The following VPS50 variants were observed in gnomAD, a reference collection of about 807,000 sequenced individuals.
VPS50 encodes syndetin.
VPS50 carries 70 observed loss-of-function variants against 139.7 expected under a neutral mutation model. The observed-to-expected ratio is 0.50, with a 90% CI of 0.41 to 0.61. VPS50 has a LOEUF of 0.61. Ranked by LOEUF, VPS50 falls within the 20% of genes least tolerant of loss-of-function variation. VPS50 has a pLI of 0.00. For synonymous variants in VPS50, 365 were observed against 376.7 expected (o/e 0.97, Z 0.36); for missense variants, 921 against 1,133.7 (o/e 0.81, Z 2.69).
rs1437827574 is a variant in VPS50 at position 93,323,602 on chromosome 7, TC to T, written c.1856-8del. The T allele has an allele frequency of 1.7e-6, 2 of 1,211,860 alleles. No individual in the cohort carries two copies. The highest frequency in any genetic ancestry group is 2.8e-5 in the East Asian group (1 of 35,928). The allele number at this position is 1,211,860 out of a possible 1,614,324, so 75.1% of individuals were successfully genotyped here. Reference sequence around the variant, plus strand: ...TTCTGCTTAATTTTTTATTCTTTTTTCTTTTCAGGAAAATATATGCAGATGA... The same window carrying T: ...TTCTGCTTAATTTTTTATTCTTTTTTTTTTCAGGAAAATATATGCAGATGA... On this transcript the variant is annotated splice_polypyrimidine_tract_variant and splice_region_variant and intron_variant, in intron 20 of 27. Transcript: ENST00000305866.
rs371215349 is a variant in VPS50, at chr7:93,342,979, C to T, written c.2207+1404C>T. Among the ~76,000 whole-genome samples, 639 of 152,290 alleles carry T rather than the reference C, an allele frequency of 4.2e-3. 3 individuals carry two copies. Among genetic ancestry groups the T allele is most frequent in the African/African-American group, 0.013 (536 of 41,556 alleles). On this transcript the variant is annotated intron_variant, in intron 23 of 27. Transcript: ENST00000305866. ...TCACCAGCAACGGAACAAAGCTGGA[C>T]GGAGAATGACTTTGACGAGCTGAGA... is the stretch of plus-strand genomic sequence containing the variant.
rs11760988 is a variant in VPS50, at chr7:93,311,653, A to G, written c.1855+381A>G. Reference sequence around the variant, plus strand: ...TCATAGGTCTTTACCATCTTCTGTCAGGCAGAGTGAATAGTGACTTTCTGG... The same window carrying G: ...TCATAGGTCTTTACCATCTTCTGTCGGGCAGAGTGAATAGTGACTTTCTGG... On this transcript the variant is annotated intron_variant, in intron 20 of 27. Transcript: ENST00000305866. Among the ~76,000 whole-genome samples the G allele has an allele frequency of 9.6e-3, 1,469 of 152,238 alleles. 8 individuals carry two copies. Among genetic ancestry groups the G allele is most frequent in the South Asian group, 0.024 (117 of 4,824 alleles).
intron 22 of VPS50, among the ~76,000 whole-genome samples, chr7:93,334,880 A>G (rs765602515): frequency 3.3e-5 from 5 of 152,036 alleles, no homozygotes; most frequent in Non-Finnish European, 7.3e-5. Flanking sequence ...CCGGAAATTT[A>G]TGTTATTCAG....
intron 9 of VPS50, among the ~76,000 whole-genome samples, chr7:93,259,852 G>T (rs1795612541): frequency 6.6e-6 from 1 of 152,072 alleles, no homozygotes; most frequent in Non-Finnish European, 1.5e-5. Flanking sequence ...TCACCTCATT[G>T]AAACTCATTT....
chr7:93,316,398 C>T (rs1344599947), intron 20 of VPS50, among the ~76,000 whole-genome samples: 1 of 152,154 alleles, frequency 6.6e-6, no homozygotes, highest in Non-Finnish European at 1.5e-5. Context: ...AAGGGATTGA[C>T]TTTGGCTAAG....
chr7:93,268,049 A>G lies in VPS50; in HGVS notation c.660-3171A>G, dbSNP rs1026960690. Reference sequence around the variant, plus strand: ...TCTTTAGGGACCAGGCAGGTCATATAAATGTGAGGCTGCCAGATGTAAGAC... The same window carrying G: ...TCTTTAGGGACCAGGCAGGTCATATGAATGTGAGGCTGCCAGATGTAAGAC... On this transcript the variant is annotated intron_variant, in intron 9 of 27. Coordinates refer to ENST00000305866, the MANE Select transcript of VPS50 (RefSeq NM_017667.4). 3.3e-5 allele frequency among the ~76,000 whole-genome samples: 5 copies of G among 152,320 alleles called. No homozygotes were observed. The East Asian group carries it at 9.6e-4, about 29-fold the overall frequency.
intron 2 of VPS50, among the ~76,000 whole-genome samples, chr7:93,242,605 C>T (rs1180161384): frequency 1.3e-5 from 2 of 151,934 alleles, no homozygotes; most frequent in African/African-American, 4.8e-5. Flanking sequence ...TAAGTAGTCA[C>T]TGTTAATTCT....
At chr7:93,333,067 A>T (rs28595783) in intron 21 of VPS50, among the ~76,000 whole-genome samples, 13,861 of 152,212 alleles carry the variant, frequency 0.091, 1,677 homozygotes, top group African/African-American at 0.28. Context: ...ATCAAACTGT[A>T]TACTTAAAAG....
At chr7:93,297,022 T>G in intron 15 of VPS50, 123 bp from the exon 16 acceptor site, 1 of 1,455,398 alleles carries the variant, frequency 6.9e-7, no homozygotes, top group Non-Finnish European at 9.0e-7. Flanking sequence ...TTTGTGATCT[T>G]TAGAATTTTT....
rs532617549 is a variant in VPS50 at position 93,262,575 on chromosome 7, A to C, written c.659+2943A>C. The stretch of plus-strand genomic sequence containing the variant: ...TTATTCTCTGCAAATAGGTAAAAGT[A>C]CATCACACATACATTCAGATATCCC... On this transcript the variant is annotated intron_variant, in intron 9 of 27. Coordinates refer to ENST00000305866, the MANE Select transcript of VPS50 (RefSeq NM_017667.4). Among the ~76,000 whole-genome samples the C allele has an allele frequency of 1.3e-3, 192 of 152,390 alleles. 1 individual carries two copies. Among genetic ancestry groups the C allele is most frequent in the African/African-American group, 4.4e-3 (183 of 41,594 alleles).
At chr7:93,316,940 A>G (rs1797446029) in intron 20 of VPS50, among the ~76,000 whole-genome samples, 1 of 152,186 alleles carries the variant, frequency 6.6e-6, no homozygotes. Flanking sequence ...AAGCTCTACT[A>G]TCCTTCCTAC....
At chr7:93,310,880 A>G (rs146129232) in intron 19 of VPS50, among the ~76,000 whole-genome samples, 1 of 152,136 alleles carries the variant, frequency 6.6e-6, no homozygotes, top group African/African-American at 2.4e-5. Context: ...TTGCACCTAG[A>G]TGTATTATTA....
chr7:93,334,059 G>A, intron 21 of VPS50, 58 bp from the exon 22 acceptor site: 1 of 930,556 alleles, frequency 1.1e-6, no homozygotes, highest in South Asian at 1.4e-5. Context: ...TTAATTTGAA[G>A]ATGTAACATT....
At chr7:93,246,203 T>A in intron 2 of VPS50, 1 of 937,128 alleles carries the variant, frequency 1.1e-6, no homozygotes, top group Non-Finnish European at 1.6e-6. Flanking sequence ...ATGCAAACAG[T>A]AAAAAAAAGT....
In VPS50 at chr7:93,296,566, G is replaced by A. The variant is rs1452813723; in HGVS notation, c.1168-176G>A. Among the ~76,000 whole-genome samples, 8 of 152,066 alleles carry A rather than the reference G, an allele frequency of 5.3e-5. No homozygotes were observed. In the East Asian group the frequency reaches 1.5e-3, roughly 29 times the overall value. Reference sequence around the variant, plus strand: ...GATGGCATTCCTGGTATAGGAAATGGGATTGTCTCTATTACATCCCTTAAG... The same window carrying A: ...GATGGCATTCCTGGTATAGGAAATGAGATTGTCTCTATTACATCCCTTAAG... On this transcript the variant is annotated intron_variant, in intron 14 of 27. Coordinates refer to ENST00000305866, the MANE Select transcript of VPS50 (RefSeq NM_017667.4).
intron 23 of VPS50, among the ~76,000 whole-genome samples, chr7:93,342,680 C>G (rs183593299): frequency 6.6e-6 from 1 of 152,202 alleles, no homozygotes; most frequent in African/African-American, 2.4e-5. Flanking sequence ...GACCCCTGAT[C>G]CCCGAGCAGC....
At chr7:93,236,937 C>CT (rs71107889) in intron 1 of VPS50, among the ~76,000 whole-genome samples, 1,175 of 31,066 alleles carry the variant, frequency 0.038, 291 homozygotes, top group Non-Finnish European at 0.051. Context: ...TCTTTTACTT[C>CT]TTTTTTTTTT....
chr7:93,277,606 T>A (rs896176844), intron 12 of VPS50, among the ~76,000 whole-genome samples: 1 of 152,162 alleles, frequency 6.6e-6, no homozygotes, highest in Non-Finnish European at 1.5e-5. Context: ...TGATTATATA[T>A]GATGTATTAA....
In VPS50 at chr7:93,236,871, TCA is replaced by T. The variant is rs554187502; in HGVS notation, c.34-2992_34-2991del. Among the ~76,000 whole-genome samples the T allele has an allele frequency of 1.3e-3, 187 of 146,948 alleles. 1 individual carries two copies. Among genetic ancestry groups the T allele is most frequent in the African/African-American group, 4.4e-3 (179 of 40,468 alleles). Reference sequence around the variant, plus strand: ...AAATATTAAGAATTATGGTTAATCATCACAGAATGCTTGAGATATATGAGACA... The same window carrying T: ...AAATATTAAGAATTATGGTTAATCATCAGAATGCTTGAGATATATGAGACA... On this transcript the variant is annotated intron_variant, in intron 1 of 27. Coordinates refer to ENST00000305866, the MANE Select transcript of VPS50 (RefSeq NM_017667.4).
Sources: gnomAD v4.1 joint callset for allele counts (sites outside exome capture counted in the v4.1 genomes callset) on GRCh38, gnomAD v4.1.1 for gene constraint, MANE v1.5 for transcripts, NCBI Gene and HGNC (gene_info 2026-07-23, HGNC 2026-07-21) for gene names.